Variants in TEX36 observed in about 807,000 individuals in gnomAD.
TEX36 encodes the protein testis-expressed protein 36.
TEX36 carries 12 observed loss-of-function variants against 13.6 expected under a neutral mutation model. That is an observed-to-expected ratio of 0.88 (90% confidence interval 0.56 to 1.43). The LOEUF is 1.43. Ranked by LOEUF, TEX36 falls within the 40% of genes most tolerant of loss-of-function variation. TEX36 has a pLI of 0.00. For synonymous variants in TEX36, 93 were observed against 83.0 expected (o/e 1.12, Z -0.65); for missense variants, 224 against 228.3 (o/e 0.98, Z 0.12).
intron 3 of TEX36, among the ~76,000 whole-genome samples, chr10:125,628,128 G>A (rs1424488616): frequency 6.6e-6 from 1 of 152,162 alleles, no homozygotes; most frequent in South Asian, 2.1e-4. Flanking sequence ...GGCACCTGAA[G>A]GAAAAAAATG....
At chr10:125,605,811 A>C (rs1461955495) in intron 3 of TEX36, among the ~76,000 whole-genome samples, 1 of 152,190 alleles carries the variant, frequency 6.6e-6, no homozygotes, top group Non-Finnish European at 1.5e-5. Flanking sequence ...CATGTTGGCC[A>C]GGCTGGTCTC....
chr10:125,579,999 T>C (rs945169283), intron 3 of TEX36, among the ~76,000 whole-genome samples: 11 of 152,336 alleles, frequency 7.2e-5, no homozygotes, highest in South Asian at 6.2e-4. Flanking sequence ...TGTTGTTAGA[T>C]GTTGGTCAAC....
At chr10:125,579,182 T>C (rs1180923974) in intron 3 of TEX36, among the ~76,000 whole-genome samples, 1 of 152,232 alleles carries the variant, frequency 6.6e-6, no homozygotes, top group African/African-American at 2.4e-5. Context: ...CATGCTGCTA[T>C]AAAAAACTGC....
intron 1 of TEX36, among the ~76,000 whole-genome samples, chr10:125,682,225 C>G (rs1847407848): frequency 6.6e-6 from 1 of 152,104 alleles, no homozygotes; most frequent in African/African-American, 2.4e-5. Context: ...GCCGACAAGG[C>G]TAAGACCTCA....
chr10:125,679,663 G>A (rs1847365707), intron 1 of TEX36, among the ~76,000 whole-genome samples: 1 of 152,202 alleles, frequency 6.6e-6, no homozygotes, highest in African/African-American at 2.4e-5. Flanking sequence ...CGGCCAGGCA[G>A]GCTGCCTTTT....
chr10:125,602,911 A>T (rs868080842), intron 3 of TEX36, among the ~76,000 whole-genome samples: 33 of 152,216 alleles, frequency 2.2e-4, no homozygotes, highest in Non-Finnish European at 7.3e-5. Context: ...CAGCCTGATG[A>T]TTACATGACA....
intron 3 of TEX36, among the ~76,000 whole-genome samples, chr10:125,638,115 G>C (rs1210546333): frequency 1.3e-5 from 2 of 151,698 alleles, no homozygotes; most frequent in Non-Finnish European, 2.9e-5. Context: ...CCACTCTCAA[G>C]TTTCTTTCAT....
chr10:125,576,900 A>T, intron 3 of TEX36: 1 of 1,536,052 alleles, frequency 6.5e-7, no homozygotes, highest in Admixed American at 2.0e-5. Flanking sequence ...AAGATGTAGA[A>T]CCATGAGTAG....
chr10:125,627,758 G>T (rs1846505275), intron 3 of TEX36, among the ~76,000 whole-genome samples: 1 of 152,306 alleles, frequency 6.6e-6, no homozygotes, highest in East Asian at 1.9e-4. Flanking sequence ...AAACATCCAG[G>T]TCTGCGTGAG....
Position 125,590,948 on chromosome 10 carries a change from G to A in TEX36, c.265-14074C>T, listed in dbSNP as rs77852146. Among the ~76,000 whole-genome samples, 54 of 152,306 alleles carry A rather than the reference G, an allele frequency of 3.5e-4. No homozygotes were observed. In the East Asian group the frequency reaches 6.8e-3, roughly 19 times the overall value. ...TGTTCCTCTTCGGTTATGTTCACAT[G>A]AGTAATGTTCGTGGGATATATTTTT... On this transcript the variant is annotated intron_variant, in intron 3 of 3. Transcript: ENST00000532135.
Position 125,576,910 on chromosome 10 carries a change from G to C in TEX36, c.265-36C>G, listed in dbSNP as rs1489173008. On this transcript the variant is annotated intron_variant, in intron 3 of 3. Transcript: ENST00000532135. ...GAGGGAAGATGTAGAACCATGAGTA[G>C]TTGTGTGCTTAAATCCTTGTAGTTC... 3 of 1,535,872 alleles carry C rather than the reference G, an allele frequency of 2.0e-6. No homozygotes were observed. In the African/African-American group the frequency reaches 4.1e-5, roughly 21 times the overall value.
downstream of TEX36, among the ~76,000 whole-genome samples, chr10:125,619,637 G>A (rs1025086380): frequency 3.9e-5 from 6 of 151,962 alleles, no homozygotes; most frequent in African/African-American, 1.2e-4. Flanking sequence ...TGCAACCTCC[G>A]CCTCCCGGGT....
intron 3 of TEX36, among the ~76,000 whole-genome samples, chr10:125,650,188 A>G (rs886125328): frequency 2.6e-5 from 4 of 152,250 alleles, no homozygotes; most frequent in African/African-American, 9.6e-5. Flanking sequence ...AATCAACAGA[A>G]TATACATTCT....
intron 3 of TEX36, among the ~76,000 whole-genome samples, chr10:125,625,440 A>G (rs1217804833): frequency 6.6e-6 from 1 of 152,218 alleles, no homozygotes; most frequent in Non-Finnish European, 1.5e-5. Flanking sequence ...GATTTGATCC[A>G]AAGGTTATTT....
intron 1 of TEX36, among the ~76,000 whole-genome samples, chr10:125,662,394 G>C (rs180887790): frequency 3.9e-5 from 6 of 152,134 alleles, no homozygotes; most frequent in African/African-American, 1.4e-4. Context: ...CAGCAATGTA[G>C]GTATGAGGTG....
chr10:125,592,157 C>T (rs559278074), intron 3 of TEX36, among the ~76,000 whole-genome samples: 1 of 152,280 alleles, frequency 6.6e-6, no homozygotes, highest in Admixed American at 6.5e-5. Flanking sequence ...GGAGAAATGC[C>T]CAACTTTTTT....
At chr10:125,592,673 A>G (rs1846035545) in intron 3 of TEX36, among the ~76,000 whole-genome samples, 1 of 152,124 alleles carries the variant, frequency 6.6e-6, no homozygotes, top group Admixed American at 6.5e-5. Context: ...TCAGTCCTAC[A>G]GCACTCCCAT....
At chr10:125,649,291 A>C (rs1236909196) in intron 3 of TEX36, among the ~76,000 whole-genome samples, 1 of 152,238 alleles carries the variant, frequency 6.6e-6, no homozygotes, top group Non-Finnish European at 1.5e-5. Context: ...AGCCCATCAG[A>C]CTAACAGCAG....
chr10:125,667,248 G>T (rs1396778975), intron 1 of TEX36: 2 of 626,996 alleles, frequency 3.2e-6, no homozygotes, highest in South Asian at 1.5e-5. Context: ...GGCCTGGGGT[G>T]ACCATGCTGG....
Sources: gnomAD v4.1 joint callset for allele counts (sites outside exome capture counted in the v4.1 genomes callset) on GRCh38, gnomAD v4.1.1 for gene constraint, MANE v1.5 for transcripts, NCBI Gene and HGNC (gene_info 2026-07-23, HGNC 2026-07-21) for gene names.